Variants in NCAPD2 observed in about 807,000 individuals in gnomAD.
NCAPD2 encodes non-SMC condensin I complex subunit D2.
In NCAPD2, 100 loss-of-function variants were observed where a neutral mutation model predicts 164.5. The ratio of observed to expected loss-of-function variants is 0.61; its 90% CI spans 0.52 to 0.72. NCAPD2 has a LOEUF of 0.72. NCAPD2 is among the 30% of genes least tolerant of loss of function. The pLI is 0.00. For missense variants in NCAPD2, 1,560 were observed against 1,749.2 expected (o/e 0.89, Z 1.93); for synonymous variants, 585 against 642.6 (o/e 0.91, Z 1.36).
At position 6,531,006 on chromosome 12, in the gene NCAPD2, A is replaced by G. The variant is rs768647759; in HGVS notation, c.4050A>G (p.Pro1350=). 5.6e-6 allele frequency: 9 copies of G among 1,614,046 alleles called. No individual in the cohort carries two copies. The highest frequency in any genetic ancestry group is 7.6e-6 in the Non-Finnish European group (9 of 1,180,042). The change falls in exon 31 of 32, where the codon CCA becomes CCG. Residue 1350 remains proline (P), a synonymous_variant. Transcript: ENST00000315579. This position sits in a 1 kb window ranked among gnomAD's most constrained non-coding sequence, Gnocchi z 4.1. ...PEPRRTTRRH[P]NTQQRASKKK... is the part of the protein sequence containing the mutation. ...CCCGCCGTACTACCCGTCGGCATCC[A>G]AACACCCAGCAGCGAGCTTCCAAAA...
rs771503256 is a variant in NCAPD2, at chr12:6,529,901, C to T, written c.3780C>T (p.Phe1260=). Residue 1260 remains phenylalanine (F), a synonymous_variant, in exon 29 of 32, where the codon TTC becomes TTT. Coordinates refer to ENST00000315579, the MANE Select transcript of NCAPD2 (RefSeq NM_014865.4). ...FGDKLSDESI[F]SAFLSVVGKL... ...ACAAACTGTCAGATGAGTCCATCTT[C>T]AGTGCTTTTTTGTCAGTTGTAGGCA... 2.5e-6 allele frequency: 4 copies of T among 1,614,266 alleles called. No homozygotes were observed. In the Admixed American group the frequency reaches 5.0e-5, roughly 20 times the overall value.
chr12:6,529,505 T>C lies in NCAPD2; in HGVS notation c.3573-8T>C, dbSNP rs369376316. The C allele has an allele frequency of 6.2e-7, 1 of 1,613,828 alleles. No homozygotes were observed. Among genetic ancestry groups the C allele is most frequent in the African/African-American group, 1.3e-5 (1 of 75,014 alleles). ...GCCATCGAACATCCTCATCTCCCCT[T>C]CCTGCAGACAGCTCCTCTCCTACAT... On this transcript the variant is annotated splice_region_variant and splice_polypyrimidine_tract_variant and intron_variant, in intron 27 of 31. Coordinates refer to ENST00000315579, the MANE Select transcript of NCAPD2 (RefSeq NM_014865.4).
At chr12:6,516,691 A>G in intron 9 of NCAPD2, 137 bp from the exon 10 acceptor site, 1 of 828,324 alleles carries the variant, frequency 1.2e-6, no homozygotes, top group African/African-American at 1.7e-5. Context: ...CTGAGCAACA[A>G]GTCCTCTTTG....
At chr12:6,513,751 T>C (rs183058831) in intron 6 of NCAPD2, among the ~76,000 whole-genome samples, 247 of 133,686 alleles carry the variant, frequency 1.8e-3, no homozygotes, top group African/African-American at 6.7e-3. Flanking sequence ...AGTCTCGCAA[T>C]GTCGCCTGGC....
rs2137058973 is a variant in NCAPD2 at position 6,525,620 on chromosome 12, C to G, written c.2252C>G (p.Ala751Gly). 6.2e-7 allele frequency: 1 copy of G among 1,613,094 alleles called. No homozygotes were observed. The highest frequency in any genetic ancestry group is 2.2e-5 in the East Asian group (1 of 44,880). Residue 751 changes from alanine (A) to glycine (G), a missense_variant, in exon 18 of 32, where the codon GCA (alanine) becomes GGA (glycine). Coordinates refer to ENST00000315579, the MANE Select transcript of NCAPD2 (RefSeq NM_014865.4). ...EFVQKDELKP[A>G]VTQLLWERAT... Reference sequence around the variant, plus strand: ...GTGCAGAAGGATGAGTTGAAACCAGCAGTGACCCAGCTGCTGTGGGAGCGG... The same window carrying G: ...GTGCAGAAGGATGAGTTGAAACCAGGAGTGACCCAGCTGCTGTGGGAGCGG...
chr12:6,524,806 C>T (rs944754694), intron 17 of NCAPD2, among the ~76,000 whole-genome samples: 2 of 152,154 alleles, frequency 1.3e-5, no homozygotes, highest in African/African-American at 4.8e-5. Flanking sequence ...TGCTTTGTAG[C>T]ATTTGCATTG....
intron 2 of NCAPD2, among the ~76,000 whole-genome samples, chr12:6,505,832 T>G (rs1170399173): frequency 1.2e-5 from 1 of 83,460 alleles, no homozygotes; most frequent in Non-Finnish European, 2.2e-5. Context: ...GTCACTACAC[T>G]CTAGCCTGGG....
chr12:6,516,269 C>T (rs185785226), intron 9 of NCAPD2, among the ~76,000 whole-genome samples: 36 of 150,300 alleles, frequency 2.4e-4, no homozygotes, highest in Middle Eastern at 3.5e-3. Flanking sequence ...TTTGGGAGGC[C>T]GAGGAGGGTG....
chr12:6,518,507 T>TTTTTTTTTG (rs1946228581), intron 13 of NCAPD2, among the ~76,000 whole-genome samples: 1 of 88,312 alleles, frequency 1.1e-5, no homozygotes, highest in Non-Finnish European at 2.1e-5. Flanking sequence ...TCAACAAGTT[T>TTTTTTTTTG]TTTTTTTTTT....
intron 9 of NCAPD2, among the ~76,000 whole-genome samples, chr12:6,516,379 G>A (rs1269831239): frequency 1.3e-5 from 2 of 152,056 alleles, no homozygotes; most frequent in Admixed American, 6.6e-5. Flanking sequence ...GCGGGCACCT[G>A]TAATCCCAGC....
rs1229833569 is a variant in NCAPD2 at position 6,531,703 on chromosome 12, G to T, written c.*291G>T. On this transcript the variant is annotated 3_prime_UTR_variant, in exon 32 of 32. Coordinates refer to ENST00000315579, the MANE Select transcript of NCAPD2 (RefSeq NM_014865.4). This position sits in a 1 kb window ranked among gnomAD's most constrained non-coding sequence, Gnocchi z 4.1. ...GCCTGTAATCCCAGCTACTCAAGAG[G>T]CTGAGGCAGGAGAATCGCCTGAACC... The T allele has an allele frequency of 3.0e-5, 12 of 401,886 alleles. No homozygotes were observed. Among genetic ancestry groups the T allele is most frequent in the Non-Finnish European group, 2.7e-5 (6 of 219,332 alleles). The allele number at this position is 401,886 out of a possible 1,614,324, so 24.9% of individuals were successfully genotyped here. A position where few individuals can be genotyped will look rare whatever the true frequency, so the allele number is the denominator to read the frequency against.
chr12:6,523,398 G>GTTTTTT (rs3076239), intron 17 of NCAPD2, 52 bp downstream of exon 17: 11,923 of 863,742 alleles, frequency 0.014, 40 homozygotes, highest in African/African-American at 0.017. Flanking sequence ...TATTTTGGTT[G>GTTTTTT]TTTTTTTTTT....
chr12:6,510,285 C>A, intron 4 of NCAPD2, 152 bp downstream of exon 4: 1 of 891,542 alleles, frequency 1.1e-6, no homozygotes, highest in Non-Finnish European at 1.9e-6. Flanking sequence ...GGACCTTTGG[C>A]CTGTTAAAGG....
At chr12:6,497,079 C>T (rs1200390952) in intron 2 of NCAPD2, among the ~76,000 whole-genome samples, 1 of 152,158 alleles carries the variant, frequency 6.6e-6, no homozygotes, top group East Asian at 1.9e-4. Context: ...AAGCTTATTA[C>T]CTAGGAGCCT....
At chr12:6,527,660 T>C (rs1946329081) in intron 22 of NCAPD2, 117 bp from the exon 23 acceptor site, 1 of 868,624 alleles carries the variant, frequency 1.2e-6, no homozygotes, top group African/African-American at 1.7e-5. Context: ...TTGACAATTC[T>C]CTAAATGTTT....
Position 6,528,707 on chromosome 12 carries a change from A to T in NCAPD2, c.3328A>T (p.Lys1110Ter). Residue 1110 changes from lysine to a stop codon, truncating the protein, a stop_gained, in exon 26 of 32, where the codon AAA becomes TAA. Transcript: ENST00000315579. LOFTEE classifies it high-confidence loss of function. The surrounding 1 kb of genome is among the most constrained non-coding windows in gnomAD (Gnocchi z 5.1). ...RLRDPAQQVR[K>*]TAGLVMTHLI... The stretch of plus-strand genomic sequence containing the variant: ...CCGGGACCCTGCTCAGCAAGTGCGG[A>T]AAACAGCGGGGCTGGTGATGACCCA... The T allele has an allele frequency of 6.2e-7, 1 of 1,613,624 alleles. No homozygotes were observed. Among genetic ancestry groups the T allele is most frequent in the Non-Finnish European group, 8.5e-7 (1 of 1,179,588 alleles).
intron 11 of NCAPD2, 23 bp from the exon 12 acceptor site, chr12:6,517,573 C>G (rs1400654798): frequency 1.2e-6 from 2 of 1,614,164 alleles, no homozygotes; most frequent in Non-Finnish European, 1.7e-6. Flanking sequence ...TTTACTGACC[C>G]TGCTATTCAT....
intron 1 of NCAPD2, 45 bp from the exon 2 acceptor site, chr12:6,495,031 A>C: frequency 1.3e-6 from 2 of 1,579,852 alleles, no homozygotes; most frequent in Admixed American, 3.5e-5. Context: ...ATACGAAGAC[A>C]GGTCTTGAAT....
Position 6,526,356 on chromosome 12 carries a change from GAGAC to G in NCAPD2, c.2554_2557del (p.Thr852SerfsTer20). On this transcript the variant is annotated frameshift_variant, in exon 20 of 32. Coordinates refer to ENST00000315579, the MANE Select transcript of NCAPD2 (RefSeq NM_014865.4). LOFTEE classifies it high-confidence loss of function. ...ACACAGGTTGTTTGAGCGACTGCGG[GAGAC>G]AGTCACAAAAGGTGAGCTCTCAGGG... The G allele has an allele frequency of 1.2e-6, 2 of 1,614,164 alleles. No individual in the cohort carries two copies. The highest frequency in any genetic ancestry group is 2.2e-5 in the South Asian group (2 of 91,080).
Sources: gnomAD v4.1 joint callset for allele counts (sites outside exome capture counted in the v4.1 genomes callset) on GRCh38, gnomAD v4.1.1 for gene constraint, Gnocchi (gnomAD v3.1) non-coding constraint, MANE v1.5 for transcripts, NCBI Gene and HGNC (gene_info 2026-07-23, HGNC 2026-07-21) for gene names.